Variants in BTC observed in about 807,000 individuals in gnomAD.
The protein encoded by BTC is betacellulin.
A neutral mutation model predicts 18.1 loss-of-function variants in BTC; 13 were observed. The ratio of observed to expected loss-of-function variants is 0.72; its 90% confidence interval spans 0.47 to 1.14. The LOEUF (loss-of-function observed/expected upper bound fraction) is 1.14, where lower values mean the gene tolerates loss of function less well. Ranked by LOEUF, BTC falls within the 50% of genes most tolerant of loss-of-function variation. BTC has a pLI of 0.00. For missense variants in BTC, 247 were observed against 224.2 expected, an observed-to-expected ratio of 1.10 and a Z score of -0.65; for synonymous variants, 83 against 79.4, an observed-to-expected ratio of 1.05 and a Z score of -0.24.
intron 4 of BTC, 105 bp from the exon 5 acceptor site, chr4:74,748,254 AT>A: frequency 1.4e-6 from 1 of 699,400 alleles, no homozygotes; most frequent in Non-Finnish European, 2.3e-6. Context: ...TTAAAAAAAT[AT>A]TTAGGGTTCT....
intron 1 of BTC, among the ~76,000 whole-genome samples, chr4:74,771,822 A>G (rs1408391637): frequency 6.6e-6 from 1 of 152,216 alleles, no homozygotes; most frequent in Non-Finnish European, 1.5e-5. Flanking sequence ...TACATGGCTA[A>G]TGGTTTTTCC....
rs1553955346 is a variant in BTC at position 74,745,452 on chromosome 4, G to T, written c.*1225C>A. ...GGGCATCTTCCATCGATTTTTGTAA[G>T]TGAACCACGTAATCAATGTAAAAAG... is the stretch of plus-strand genomic sequence containing the variant. On this transcript the variant is annotated 3_prime_UTR_variant, in exon 6 of 6. Transcript: ENST00000395743. The T allele has an allele frequency of 6.6e-6, 1 of 152,224 alleles. No individual in the cohort carries two copies. Among genetic ancestry groups the T allele is most frequent in the Non-Finnish European group, 1.5e-5 (1 of 68,034 alleles). The allele number at this position is 152,224 out of a possible 1,614,324, so 9.4% of individuals were successfully genotyped here.
chr4:74,748,506 A>G (rs1341251447), intron 4 of BTC, among the ~76,000 whole-genome samples: 1 of 152,110 alleles, frequency 6.6e-6, no homozygotes, highest in Non-Finnish European at 1.5e-5. Flanking sequence ...ACTGCACTCC[A>G]GCCTGGGCGA....
chr4:74,786,624 C>G (rs1725484099), intron 1 of BTC, among the ~76,000 whole-genome samples: 1 of 152,176 alleles, frequency 6.6e-6, no homozygotes, highest in Non-Finnish European at 1.5e-5. Context: ...TCTAATCACA[C>G]AAGAGAGAAA....
At chr4:74,758,365 A>T (rs1408356767) in intron 2 of BTC, among the ~76,000 whole-genome samples, 5 of 152,168 alleles carry the variant, frequency 3.3e-5, no homozygotes, top group Non-Finnish European at 7.3e-5. Context: ...CCATTTTGTC[A>T]CCATATTATA....
intron 2 of BTC, among the ~76,000 whole-genome samples, chr4:74,764,786 T>G (rs1206731793): frequency 6.6e-6 from 1 of 152,126 alleles, no homozygotes; most frequent in Non-Finnish European, 1.5e-5. Flanking sequence ...ATGAAGATGC[T>G]GTATTAGTCT....
At position 74,748,020 on chromosome 4, in the gene BTC, A is replaced by G. The variant is rs1724335596; in HGVS notation, c.*1+20T>C. On this transcript the variant is annotated intron_variant, in intron 5 of 5. Transcript: ENST00000395743. ...AATGTCACCTGAATAGTTTTCTATC[A>G]GCAAGTTTATCTCACTTACTTTAAG... is the stretch of plus-strand genomic sequence containing the variant. 1 of 1,429,976 alleles carries G rather than the reference A, an allele frequency of 7.0e-7. No homozygotes were observed. The highest frequency in any genetic ancestry group is 1.2e-5 in the South Asian group (1 of 80,402). The allele number at this position is 1,429,976 out of a possible 1,614,324, so 88.6% of individuals were successfully genotyped here. A position where few individuals can be genotyped will look rare whatever the true frequency, so the allele number is the denominator to read the frequency against.
At chr4:74,786,163 T>C (rs181282321) in intron 1 of BTC, among the ~76,000 whole-genome samples, 2 of 152,336 alleles carry the variant, frequency 1.3e-5, no homozygotes, top group African/African-American at 2.4e-5. Flanking sequence ...GAAACTCAGA[T>C]GGCATTTCAG....
chr4:74,787,440 A>G (rs910602673), intron 1 of BTC, among the ~76,000 whole-genome samples: 2 of 152,358 alleles, frequency 1.3e-5, no homozygotes, highest in Non-Finnish European at 2.9e-5. Context: ...TTGTTTCTTT[A>G]AATTATAACA....
At chr4:74,755,248 T>C (rs1577950102) in intron 3 of BTC, among the ~76,000 whole-genome samples, 1 of 152,206 alleles carries the variant, frequency 6.6e-6, no homozygotes, top group South Asian at 2.1e-4. Context: ...TAAGGAAAGG[T>C]CCCAGGAAGC....
At chr4:74,760,699 A>C (rs1310469737) in intron 2 of BTC, among the ~76,000 whole-genome samples, 1 of 151,668 alleles carries the variant, frequency 6.6e-6, no homozygotes, top group Non-Finnish European at 1.5e-5. Context: ...CTTATGTAGG[A>C]GTTCAGTAGC....
chr4:74,758,800 A>G (rs1041049498), intron 2 of BTC, among the ~76,000 whole-genome samples: 3 of 152,216 alleles, frequency 2.0e-5, no homozygotes, highest in African/African-American at 7.2e-5. Context: ...TCCTTTGCCA[A>G]GTAAGCATGC....
chr4:74,783,530 G>T (rs1293480627), intron 1 of BTC, among the ~76,000 whole-genome samples: 1 of 148,206 alleles, frequency 6.7e-6, no homozygotes, highest in Non-Finnish European at 1.5e-5. Flanking sequence ...AAGTTGGGTA[G>T]AATGATGCCT....
chr4:74,782,816 T>C (rs1180764242), intron 1 of BTC, among the ~76,000 whole-genome samples: 2 of 152,182 alleles, frequency 1.3e-5, no homozygotes, highest in East Asian at 3.8e-4. Context: ...AAATGGTATC[T>C]CATTGTGGTT....
intron 3 of BTC, among the ~76,000 whole-genome samples, chr4:74,751,838 G>C (rs1407544195): frequency 6.6e-6 from 1 of 152,110 alleles, no homozygotes; most frequent in Non-Finnish European, 1.5e-5. Flanking sequence ...TAGGGAAATA[G>C]TAATCAAAAA....
chr4:74,769,276 T>TACAATCTATACAGAACAA (rs1161651560), intron 2 of BTC, among the ~76,000 whole-genome samples: 1 of 152,138 alleles, frequency 6.6e-6, no homozygotes, highest in Non-Finnish European at 1.5e-5. Flanking sequence ...GACCAGAACA[T>TACAATCTATACAGAACAA]ACAATCTATA....
chr4:74,790,397 G>A (rs1278250754), intron 1 of BTC, among the ~76,000 whole-genome samples: 2 of 152,184 alleles, frequency 1.3e-5, no homozygotes, highest in African/African-American at 4.8e-5. Flanking sequence ...ACTGGGCCAA[G>A]GAGGTTTAAG....
intron 1 of BTC, among the ~76,000 whole-genome samples, chr4:74,791,533 A>T (rs1005052790): frequency 2.0e-5 from 3 of 152,068 alleles, no homozygotes; most frequent in Admixed American, 2.0e-4. Context: ...TAACACATAA[A>T]CGTGTAATTT....
chr4:74,769,582 T>C (rs993535592), intron 2 of BTC, among the ~76,000 whole-genome samples: 1 of 152,224 alleles, frequency 6.6e-6, no homozygotes, highest in African/African-American at 2.4e-5. Context: ...AGAACACTAA[T>C]TCAAGCATCT....
Sources: allele counts gnomAD v4.1 joint callset (sites outside exome capture counted in the v4.1 genomes callset), GRCh38; gene constraint gnomAD v4.1.1; transcripts MANE v1.5; gene names NCBI Gene and HGNC (gene_info 2026-07-23, HGNC 2026-07-21).